DOCK3: variants seen among roughly 807,000 people sequenced by gnomAD.
DOCK3 encodes dedicator of cytokinesis 3, also known as dedicator of cytokinesis protein 3.
DOCK3 carries 60 observed loss-of-function variants against 265.6 expected under a neutral mutation model. That is an observed-to-expected ratio of 0.23 (90% CI 0.18 to 0.28). DOCK3 has a LOEUF of 0.28. DOCK3 is among the 10% of genes least tolerant of loss of function. The pLI, the probability that DOCK3 is intolerant of heterozygous loss-of-function variation, is 1.00. For missense variants in DOCK3, 1,981 were observed against 2,594.3 expected (o/e 0.76, Z 5.14); for synonymous variants, 881 against 938.0 (o/e 0.94, Z 1.11).
At chr3:50,930,928 C>T (rs2051030382) in intron 4 of DOCK3, among the ~76,000 whole-genome samples, 1 of 152,190 alleles carries the variant, frequency 6.6e-6, no homozygotes, top group African/African-American at 2.4e-5. Flanking sequence ...CCTTCACCCT[C>T]CCTGCAGCAG....
intron 12 of DOCK3, among the ~76,000 whole-genome samples, chr3:51,201,391 C>T (rs2088761346): frequency 6.6e-6 from 1 of 152,074 alleles, no homozygotes; most frequent in African/African-American, 2.4e-5. Flanking sequence ...TCTGATAAAA[C>T]AGACTTTAAA....
intron 22 of DOCK3, among the ~76,000 whole-genome samples, chr3:51,247,632 CAT>C (rs2078901486): frequency 6.6e-6 from 1 of 152,182 alleles, no homozygotes; most frequent in African/African-American, 2.4e-5. Context: ...AAAATCAAAT[CAT>C]AGATTTGCAT....
intron 5 of DOCK3, among the ~76,000 whole-genome samples, chr3:51,061,715 A>T (rs2081417298): frequency 6.6e-6 from 1 of 152,014 alleles, no homozygotes; most frequent in African/African-American, 2.4e-5. Context: ...AGTATAATAA[A>T]AAAAAAAGCC....
At chr3:50,829,977 A>T (rs565243567) in intron 2 of DOCK3, among the ~76,000 whole-genome samples, 4 of 152,228 alleles carry the variant, frequency 2.6e-5, no homozygotes, top group Admixed American at 6.5e-5. Context: ...GTGCAAATAA[A>T]TGCAGATGAT....
intron 4 of DOCK3, chr3:50,893,370 AT>A (rs1170353627): frequency 6.2e-6 from 1 of 161,658 alleles, no homozygotes; most frequent in African/African-American, 2.4e-5. Context: ...ACTAAATTAA[AT>A]GAGGAAAATG....
rs568422335 is a variant in DOCK3 at position 50,912,678 on chromosome 3, C to T, written c.219-21303C>T. On this transcript the variant is annotated intron_variant, in intron 4 of 52. Coordinates refer to ENST00000266037, the MANE Select transcript of DOCK3 (RefSeq NM_004947.5). The stretch of plus-strand genomic sequence containing the variant: ...CAAGACAACATCCTTCCCCCTTTTC[C>T]CTCCCTTTTCCAAAGGCAGAGAAAC... Among the ~76,000 whole-genome samples the T allele has an allele frequency of 1.9e-3, 290 of 152,200 alleles. 6 individuals carry two copies. The highest frequency in any genetic ancestry group is 6.6e-3 in the African/African-American group (275 of 41,478).
chr3:50,844,259 A>G (rs999713848), intron 3 of DOCK3, among the ~76,000 whole-genome samples: 1 of 152,246 alleles, frequency 6.6e-6, no homozygotes, highest in Admixed American at 6.5e-5. Flanking sequence ...TCTGTCATCC[A>G]GGCTGGAGTC....
intron 28 of DOCK3, among the ~76,000 whole-genome samples, chr3:51,311,744 G>A (rs968413722): frequency 2.5e-4 from 38 of 152,180 alleles, no homozygotes; most frequent in African/African-American, 8.9e-4. Flanking sequence ...TGAAGGCCAG[G>A]TAATGACAGA....
At chr3:51,172,694 T>C (rs1430037884) in intron 12 of DOCK3, among the ~76,000 whole-genome samples, 1 of 152,178 alleles carries the variant, frequency 6.6e-6, no homozygotes, top group Non-Finnish European at 1.5e-5. Flanking sequence ...TTTTTGGTAG[T>C]TTGGTAGTTT....
intron 26 of DOCK3, 77 bp from the exon 27 acceptor site, chr3:51,280,029 T>C (rs1367534932): frequency 8.3e-7 from 1 of 1,199,926 alleles, no homozygotes; most frequent in African/African-American, 1.5e-5. Context: ...CTCCCTTCTC[T>C]CCTTGCCCTC....
At position 51,085,219 on chromosome 3, in the gene DOCK3, A is replaced by C. The variant is rs551243259; in HGVS notation, c.550-4024A>C. ...AAAAGAGTTCAACAGACCCCAATGC[A>C]TTAATAGTTGGGGACTTCAGCATTA... On this transcript the variant is annotated intron_variant, in intron 7 of 52. Transcript: ENST00000266037. 3.9e-5 allele frequency among the ~76,000 whole-genome samples: 6 copies of C among 152,384 alleles called. No homozygotes were observed. The South Asian group carries it at 1.0e-3, about 26-fold the overall frequency.
rs1438162066 is a variant in DOCK3 at position 50,757,132 on chromosome 3, C to T, written c.38-21543C>T. 2.1e-5 allele frequency among the ~76,000 whole-genome samples: 3 copies of T among 143,908 alleles called. No individual in the cohort carries two copies. In the East Asian group the frequency reaches 6.4e-4, roughly 31 times the overall value. The allele number at this position is 143,908 out of a possible 152,430, so 94.4% of individuals were successfully genotyped here. A position where few individuals can be genotyped will look rare whatever the true frequency, so the allele number is the denominator to read the frequency against. ...CTTCACAAAGTGTTGGAATTACAGG[C>T]GTGAGCCACTGTGCCCAGTCAGATT... On this transcript the variant is annotated intron_variant, in intron 1 of 52. Coordinates refer to ENST00000266037, the MANE Select transcript of DOCK3 (RefSeq NM_004947.5).
At chr3:51,073,295 A>T (rs2081950137) in intron 6 of DOCK3, among the ~76,000 whole-genome samples, 1 of 138,140 alleles carries the variant, frequency 7.2e-6, no homozygotes, top group African/African-American at 2.8e-5. Flanking sequence ...TAAATATTTG[A>T]AATTATATCT....
chr3:50,979,941 T>A (rs1303263755), intron 5 of DOCK3, among the ~76,000 whole-genome samples: 1 of 152,210 alleles, frequency 6.6e-6, no homozygotes, highest in Non-Finnish European at 1.5e-5. Context: ...CTTGTATGCC[T>A]TTTCTTTCTT....
At position 51,178,008 on chromosome 3, in the gene DOCK3, CAAA is replaced by C. The variant is rs59962649; in HGVS notation, c.1037+17313_1037+17315del. On this transcript the variant is annotated intron_variant, in intron 12 of 52. Transcript: ENST00000266037. ...CCATCTCAAAAAAACAAAAAACAAA[CAAA>C]AAAAAACTCAAAATAGTAAAAAAAA... Among the ~76,000 whole-genome samples, 21 of 138,130 alleles carry C rather than the reference CAAA, an allele frequency of 1.5e-4. No homozygotes were observed. In the East Asian group the frequency reaches 4.6e-3, roughly 30 times the overall value. The allele number at this position is 138,130 out of a possible 152,430, so 90.6% of individuals were successfully genotyped here.
In DOCK3 at chr3:50,762,911, A is replaced by T. The variant is rs28433146; in HGVS notation, c.38-15764A>T. Among the ~76,000 whole-genome samples, 433 of 151,824 alleles carry T rather than the reference A, an allele frequency of 2.9e-3. 2 individuals carry two copies. The highest frequency in any genetic ancestry group is 9.7e-3 in the African/African-American group (401 of 41,404). ...TGTTCCTTCCTTTTTTTATTTTTTTAAAAGTTTTTTTTGAAGGATTAGTGT... is the reference window on the plus strand; with the variant it reads ...TGTTCCTTCCTTTTTTTATTTTTTTTAAAGTTTTTTTTGAAGGATTAGTGT... On this transcript the variant is annotated intron_variant, in intron 1 of 52. Transcript: ENST00000266037.
At chr3:51,250,292 A>G (rs59525613) in intron 22 of DOCK3, among the ~76,000 whole-genome samples, 114,964 of 147,612 alleles carry the variant, frequency 0.78, 45,784 homozygotes, top group Middle Eastern at 0.89. Context: ...AAAAATTAAA[A>G]AAAATAATAA....
At chr3:51,208,988 A>G in intron 13 of DOCK3, 126 bp downstream of exon 13, 1 of 753,648 alleles carries the variant, frequency 1.3e-6, no homozygotes, top group East Asian at 2.8e-5. Flanking sequence ...CTGCCGAGGC[A>G]TTTCCTACTC....
chr3:50,820,458 A>C (rs1392907935), intron 2 of DOCK3, among the ~76,000 whole-genome samples: 1 of 152,246 alleles, frequency 6.6e-6, no homozygotes, highest in Admixed American at 6.5e-5. Flanking sequence ...TTTGTTTAGG[A>C]TAATAGCCTC....
Sources: allele counts gnomAD v4.1 joint callset (sites outside exome capture counted in the v4.1 genomes callset), GRCh38; gene constraint gnomAD v4.1.1; transcripts MANE v1.5; gene names NCBI Gene and HGNC (gene_info 2026-07-23, HGNC 2026-07-21).